The following NUP160 variants were observed in gnomAD, a reference collection of about 807,000 sequenced individuals.
NUP160 encodes nucleoporin 160, also known as nuclear pore complex protein Nup160.
In NUP160, 94 loss-of-function variants were observed where a neutral mutation model predicts 196.9. The ratio of observed to expected loss-of-function variants is 0.48; its 90% CI spans 0.40 to 0.57. NUP160 has a LOEUF of 0.57. Among genes scored for constraint, NUP160 ranks in the 20% least tolerant of loss-of-function variants. The probability of loss-of-function intolerance (pLI) is 0.00; values close to 1 mark genes in which losing one functional copy is unlikely to be tolerated. For missense variants in NUP160, 1,638 were observed against 1,748.3 expected, an observed-to-expected ratio of 0.94 and a Z score of 1.13; for synonymous variants, 605 against 619.7, an observed-to-expected ratio of 0.98 and a Z score of 0.35.
intron 34 of NUP160, among the ~76,000 whole-genome samples, chr11:47,781,603 T>A (rs1275318221): frequency 6.6e-6 from 1 of 152,168 alleles, no homozygotes; most frequent in East Asian, 1.9e-4. Context: ...CTACACCTAT[T>A]TAGACCTGGC....
chr11:47,792,315 C>A, intron 28 of NUP160: 1 of 270,854 alleles, frequency 3.7e-6, no homozygotes, highest in Non-Finnish European at 6.9e-6. Context: ...ATAGGAAAAA[C>A]TCAAAGTGTG....
At chr11:47,837,795 C>T (rs985068383) in intron 4 of NUP160, among the ~76,000 whole-genome samples, 172 bp from the exon 5 acceptor site, 1 of 152,172 alleles carries the variant, frequency 6.6e-6, no homozygotes, top group Non-Finnish European at 1.5e-5. Flanking sequence ...TATTTTGAAT[C>T]ATTATTAGAT....
At chr11:47,791,800 TTACTAC>T (rs1291961304) in intron 29 of NUP160, 124 bp downstream of exon 29, 6 of 646,840 alleles carry the variant, frequency 9.3e-6, no homozygotes, top group South Asian at 2.2e-5. Flanking sequence ...AGGGCAACTG[TTACTAC>T]TATAACATTT....
chr11:47,802,650 C>G (rs2097674878), intron 22 of NUP160, among the ~76,000 whole-genome samples: 1 of 151,924 alleles, frequency 6.6e-6, no homozygotes, highest in East Asian at 1.9e-4. Context: ...GAGAAAAAAG[C>G]AGCATAAAAC....
At chr11:47,802,973 A>C (rs529237836) in intron 22 of NUP160, among the ~76,000 whole-genome samples, 47 of 152,142 alleles carry the variant, frequency 3.1e-4, no homozygotes, top group Non-Finnish European at 5.6e-4. Flanking sequence ...GTGACAGAGC[A>C]AGACCCTGTC....
intron 21 of NUP160, among the ~76,000 whole-genome samples, chr11:47,803,847 T>C (rs548918155): frequency 6.6e-6 from 1 of 152,240 alleles, no homozygotes; most frequent in African/African-American, 2.4e-5. Flanking sequence ...CAATAGTACA[T>C]TTGAATTACT....
At chr11:47,796,760 A>G (rs908631728) in intron 27 of NUP160, among the ~76,000 whole-genome samples, 1 of 152,226 alleles carries the variant, frequency 6.6e-6, no homozygotes, top group Non-Finnish European at 1.5e-5. Context: ...TCTGTCACCT[A>G]GGCTGGAGTG....
intron 9 of NUP160, among the ~76,000 whole-genome samples, chr11:47,820,011 T>C (rs1471202729): frequency 6.6e-6 from 1 of 152,188 alleles, no homozygotes; most frequent in Middle Eastern, 3.2e-3. Context: ...GAGTGCTTTT[T>C]TTATCTTCCC....
At chr11:47,817,436 G>A (rs905655557) in intron 11 of NUP160, among the ~76,000 whole-genome samples, 76 of 150,248 alleles carry the variant, frequency 5.1e-4, no homozygotes, top group African/African-American at 1.6e-3. Flanking sequence ...TCTGCCTCCC[G>A]GGTTCAAGAG....
chr11:47,848,385 G>C (rs1234658527), exon 1 of NUP160: 1 of 1,604,636 alleles, frequency 6.2e-7, no homozygotes. Context: ...TCACTTCCGG[G>C]GGTGGGGCGG....
At position 47,848,110 on chromosome 11, in the gene NUP160, A is replaced by G. The variant is rs1028708548; in HGVS notation, c.202+109T>C. The G allele has an allele frequency of 5.0e-5, 68 of 1,360,476 alleles. No individual in the cohort carries two copies. The Admixed American group carries it at 1.1e-3, about 22-fold the overall frequency. 84.3% of individuals were successfully genotyped at this position (1,360,476 alleles called of 1,614,324 possible). On this transcript the variant is annotated intron_variant, in intron 1 of 35. Transcript: ENST00000378460. Reference sequence around the variant, plus strand: ...TCAAGGAATCTCTGATCCCGGGGCTAGAGGCATGTGGACTCAGGAGGATGA... The same window carrying G: ...TCAAGGAATCTCTGATCCCGGGGCTGGAGGCATGTGGACTCAGGAGGATGA...
intron 21 of NUP160, among the ~76,000 whole-genome samples, chr11:47,803,868 C>T (rs534653874): frequency 1.1e-4 from 17 of 152,124 alleles, no homozygotes; most frequent in African/African-American, 3.6e-4. Context: ...ATGAAGAAAA[C>T]CTAGCAGAGA....
At chr11:47,841,394 T>G (rs1432692476) in intron 2 of NUP160, 1 of 463,974 alleles carries the variant, frequency 2.2e-6, no homozygotes, top group Non-Finnish European at 4.2e-6. Flanking sequence ...GATACAATCC[T>G]GACCAACCGC....
chr11:47,814,125 C>CAG (rs916016940), intron 13 of NUP160, among the ~76,000 whole-genome samples: 22 of 129,266 alleles, frequency 1.7e-4, no homozygotes, highest in African/African-American at 6.1e-4. Context: ...CTGGGTGACA[C>CAG]AGCAAGACCC....
intron 34 of NUP160, among the ~76,000 whole-genome samples, chr11:47,782,301 AAAATATATATATATATATATATATAT>A (rs1187763563): frequency 0.02 from 889 of 44,968 alleles, 65 homozygotes; most frequent in East Asian, 0.078. Context: ...AAAAAAAAAA[AAAATATATATATATATATATATATAT>A]ATATATATAT....
exon 36 of NUP160, chr11:47,778,479 C>T (rs1000621814): frequency 1.5e-4 from 23 of 152,554 alleles, no homozygotes; most frequent in African/African-American, 5.6e-4. Flanking sequence ...TTTTTCTTAG[C>T]TAAGAATTTA....
upstream of NUP160, chr11:47,848,536 G>A (rs61746002): frequency 0.024 from 20,518 of 843,174 alleles, 312 homozygotes; most frequent in Non-Finnish European, 0.029. Context: ...CTCTATCTGC[G>A]GGAACCTTCC....
At position 47,824,044 on chromosome 11, in the gene NUP160, T is replaced by C. The variant is rs1484188829; in HGVS notation, c.1102-1880A>G. Among the ~76,000 whole-genome samples, 8 of 105,812 alleles carry C rather than the reference T, an allele frequency of 7.6e-5. No homozygotes were observed. The East Asian group carries it at 1.2e-3, about 16-fold the overall frequency. The allele number at this position is 105,812 out of a possible 152,430, so 69.4% of individuals were successfully genotyped here. A position where few individuals can be genotyped will look rare whatever the true frequency, so the allele number is the denominator to read the frequency against. On this transcript the variant is annotated intron_variant, in intron 7 of 35. Transcript: ENST00000378460. ...ATATATATATATATATATATATATATATATATATACACACACACATAGAAG... is the reference window on the plus strand; with the variant it reads ...ATATATATATATATATATATATATACATATATATACACACACACATAGAAG...
In NUP160 at chr11:47,807,053, C is replaced by T. The variant is rs748110601; in HGVS notation, c.2446+17G>A. ...TCCCCAGTTTAAAATGAAATGTGTACATAGTCCACTCCTTACCAAACCTAT... is the reference window on the plus strand; with the variant it reads ...TCCCCAGTTTAAAATGAAATGTGTATATAGTCCACTCCTTACCAAACCTAT... On this transcript the variant is annotated intron_variant, in intron 19 of 35. Transcript: ENST00000378460. 1.4e-5 allele frequency: 22 copies of T among 1,551,696 alleles called. No homozygotes were observed. The highest frequency in any genetic ancestry group is 1.9e-5 in the Non-Finnish European group (21 of 1,124,762).
Sources: allele counts gnomAD v4.1 joint callset (sites outside exome capture counted in the v4.1 genomes callset), GRCh38; gene constraint gnomAD v4.1.1; transcripts MANE v1.5; gene names NCBI Gene and HGNC (gene_info 2026-07-23, HGNC 2026-07-21).